The following SUFU variants were observed in gnomAD, a reference collection of about 807,000 sequenced individuals.
SUFU encodes the protein SUFU negative regulator of hedgehog signaling.
In SUFU, 7 loss-of-function variants were observed where a neutral mutation model predicts 58.9. The observed-to-expected ratio is 0.12, with a 90% CI of 0.07 to 0.22. The LOEUF is 0.22. Among genes scored for constraint, SUFU ranks in the 10% least tolerant of loss-of-function variants. The pLI is 1.00. For missense variants in SUFU, 451 were observed against 641.3 expected (o/e 0.70, Z 3.20); for synonymous variants, 232 against 254.8 (o/e 0.91, Z 0.85).
rs1342856960 is a variant in SUFU at position 102,504,287 on chromosome 10, C to T, written c.135C>T (p.Tyr45=). The change falls in exon 1 of 12, where the codon TAC becomes TAT. Residue 45 remains tyrosine, a synonymous_variant. Transcript: ENST00000369902. ...TCTACGGAGAGTGCCGCCGCCTTTA[C>T]CCTGACCAGCCGAACCCGCTCCAGG... ...HAIYGECRRL[Y]PDQPNPLQVT... 3 of 1,605,836 alleles carry T rather than the reference C, an allele frequency of 1.9e-6. No individual in the cohort carries two copies. The highest frequency in any genetic ancestry group is 2.7e-5 in the African/African-American group (2 of 74,502).
intron 10 of SUFU, among the ~76,000 whole-genome samples, chr10:102,621,276 C>T (rs915510509): frequency 3.3e-5 from 5 of 152,218 alleles, no homozygotes; most frequent in Non-Finnish European, 5.9e-5. Flanking sequence ...TGGACTGCCC[C>T]GAGACCTTGT....
rs148056396 is a variant in SUFU, at chr10:102,522,358, G to C, written c.317+13055G>C. Among the ~76,000 whole-genome samples the C allele has an allele frequency of 7.9e-5, 12 of 152,260 alleles. No individual in the cohort carries two copies. In the East Asian group the frequency reaches 2.3e-3, roughly 29 times the overall value. On this transcript the variant is annotated intron_variant, in intron 2 of 11. Coordinates refer to ENST00000369902, the MANE Select transcript of SUFU (RefSeq NM_016169.4). Reference sequence around the variant, plus strand: ...CCTGAGGGGTTGTGTTCTTCCAGTTGTTGCTTTTATTGTTATTTTCCCCTT... The same window carrying C: ...CCTGAGGGGTTGTGTTCTTCCAGTTCTTGCTTTTATTGTTATTTTCCCCTT...
intron 3 of SUFU, among the ~76,000 whole-genome samples, chr10:102,590,054 T>C (rs2063379327): frequency 6.6e-6 from 1 of 152,044 alleles, no homozygotes; most frequent in African/African-American, 2.4e-5. Context: ...CTGTATTACA[T>C]TGATTTTCTT....
intron 2 of SUFU, among the ~76,000 whole-genome samples, chr10:102,548,149 G>A (rs1296225289): frequency 2.0e-5 from 3 of 152,050 alleles, no homozygotes; most frequent in African/African-American, 7.2e-5. Flanking sequence ...GCGAGACCCT[G>A]TCTCAAAAAA....
At chr10:102,528,327 T>C (rs2062635902) in intron 2 of SUFU, among the ~76,000 whole-genome samples, 1 of 152,096 alleles carries the variant, frequency 6.6e-6, no homozygotes, top group South Asian at 2.1e-4. Context: ...CCTAACACTT[T>C]GGGAGGCCGA....
intron 10 of SUFU, among the ~76,000 whole-genome samples, chr10:102,623,173 G>A (rs539884820): frequency 6.6e-6 from 1 of 152,288 alleles, no homozygotes; most frequent in African/African-American, 2.4e-5. Context: ...TCTGAGGGCT[G>A]TTTGTGTACA....
intron 3 of SUFU, among the ~76,000 whole-genome samples, chr10:102,560,968 C>T (rs1044758609): frequency 6.6e-6 from 1 of 151,996 alleles, no homozygotes; most frequent in Non-Finnish European, 1.5e-5. Flanking sequence ...CTCAGCCTCC[C>T]GAGTAGCTGG....
chr10:102,617,184 G>T lies in SUFU; in HGVS notation c.1158-106G>T. On this transcript the variant is annotated intron_variant, in intron 9 of 11. Transcript: ENST00000369902. This position sits in a 1 kb window ranked among gnomAD's most constrained non-coding sequence, Gnocchi z 4.4. ...GGCAGCCAGGAGGGCATGTTACCTG[G>T]CCCGCGGACCATAGTCCCCACTGTC... is the stretch of plus-strand genomic sequence containing the variant. 3.3e-6 allele frequency: 5 copies of T among 1,496,556 alleles called. No homozygotes were observed. The highest frequency in any genetic ancestry group is 4.6e-6 in the Non-Finnish European group (5 of 1,081,674). The allele number at this position is 1,496,556 out of a possible 1,614,324, so 92.7% of individuals were successfully genotyped here.
rs2063828001 is a variant in SUFU at position 102,630,420 on chromosome 10, T to C, written c.*265T>C. The C allele has an allele frequency of 9.5e-6, 5 of 526,382 alleles. No individual in the cohort carries two copies. The highest frequency in any genetic ancestry group is 1.7e-5 in the Non-Finnish European group (5 of 289,700). 32.6% of individuals were successfully genotyped at this position (526,382 alleles called of 1,614,324 possible). On this transcript the variant is annotated 3_prime_UTR_variant, in exon 12 of 12. Coordinates refer to ENST00000369902, the MANE Select transcript of SUFU (RefSeq NM_016169.4). ...TGGGCAAATGCGGACCCTCCCTGCC[T>C]GCAGCCTGCACAGATTCTGGTTTGA...
chr10:102,612,217 ATG>A (rs56149900), intron 8 of SUFU, among the ~76,000 whole-genome samples: 6 of 146,076 alleles, frequency 4.1e-5, no homozygotes, highest in Non-Finnish European at 7.6e-5. Flanking sequence ...GTGCACGCGC[ATG>A]TGTGTGTGTG....
At chr10:102,600,960 C>G (rs770312513) in intron 8 of SUFU, among the ~76,000 whole-genome samples, 1 of 152,194 alleles carries the variant, frequency 6.6e-6, no homozygotes, top group African/African-American at 2.4e-5. Context: ...CCAGGTCATA[C>G]GACATATGGA....
At chr10:102,511,171 A>T (rs556282325) in intron 2 of SUFU, among the ~76,000 whole-genome samples, 2 of 151,286 alleles carry the variant, frequency 1.3e-5, no homozygotes, top group African/African-American at 2.4e-5. Flanking sequence ...GAAAATAAAC[A>T]AAGTTTTTTT....
Position 102,587,235 on chromosome 10 carries a change from G to A in SUFU, c.455-5347G>A, listed in dbSNP as rs1304666977. Reference sequence around the variant, plus strand: ...TATATACCCAGATGTGAGCTTGCTGGATCATATGGTAATTCTGTGTTTAAA... The same window carrying A: ...TATATACCCAGATGTGAGCTTGCTGAATCATATGGTAATTCTGTGTTTAAA... On this transcript the variant is annotated intron_variant, in intron 3 of 11. Coordinates refer to ENST00000369902, the MANE Select transcript of SUFU (RefSeq NM_016169.4). 3.9e-5 allele frequency among the ~76,000 whole-genome samples: 6 copies of A among 152,276 alleles called. No individual in the cohort carries two copies. The South Asian group carries it at 8.3e-4, about 21-fold the overall frequency.
chr10:102,582,239 G>A (rs934704216), intron 3 of SUFU, among the ~76,000 whole-genome samples: 2 of 152,166 alleles, frequency 1.3e-5, no homozygotes, highest in African/African-American at 4.8e-5. Flanking sequence ...AGGCTATTAT[G>A]TAGAACATCA....
chr10:102,551,580 G>A (rs1260732859), intron 3 of SUFU, among the ~76,000 whole-genome samples: 2 of 151,348 alleles, frequency 1.3e-5, no homozygotes, highest in African/African-American at 2.4e-5. Flanking sequence ...AGATGTTACT[G>A]TGAGCCAAGA....
chr10:102,553,574 C>T (rs2062943092), intron 3 of SUFU, among the ~76,000 whole-genome samples: 1 of 152,096 alleles, frequency 6.6e-6, no homozygotes, highest in African/African-American at 2.4e-5. Context: ...CGCCATTCTC[C>T]TGCCTCAGCC....
chr10:102,612,822 G>A (rs1328157257), intron 8 of SUFU, among the ~76,000 whole-genome samples: 1 of 152,140 alleles, frequency 6.6e-6, no homozygotes, highest in Admixed American at 6.5e-5. Context: ...ACCTCCCTAA[G>A]CCTCAGTTAC....
At chr10:102,525,400 G>C (rs1337412524) in intron 2 of SUFU, among the ~76,000 whole-genome samples, 1 of 152,136 alleles carries the variant, frequency 6.6e-6, no homozygotes. Flanking sequence ...ATGAGCCACC[G>C]TATCTGGCCT....
chr10:102,546,484 A>T (rs1278807368), intron 2 of SUFU, among the ~76,000 whole-genome samples: 4 of 152,148 alleles, frequency 2.6e-5, no homozygotes, highest in Non-Finnish European at 5.9e-5. Context: ...TCTGCAGCAC[A>T]TGCCAATTTC....
Sources: gnomAD v4.1 joint callset for allele counts (sites outside exome capture counted in the v4.1 genomes callset) on GRCh38, gnomAD v4.1.1 for gene constraint, Gnocchi (gnomAD v3.1) non-coding constraint, MANE v1.5 for transcripts, NCBI Gene and HGNC (gene_info 2026-07-23, HGNC 2026-07-21) for gene names.